MMP26: variants seen among roughly 807,000 people sequenced by gnomAD.
MMP26 encodes the protein matrix metalloproteinase-26.
Under a neutral mutation model 31.0 loss-of-function variants are expected in MMP26, and 33 were observed. That is an observed-to-expected ratio of 1.06 (90% CI 0.81 to 1.42). The LOEUF is 1.42. Ranked by LOEUF, MMP26 falls within the 40% of genes most tolerant of loss-of-function variation. The pLI, the probability that MMP26 is intolerant of heterozygous loss-of-function variation, is 0.00. For synonymous variants in MMP26, 122 were observed against 114.9 expected, an observed-to-expected ratio of 1.06 and a Z score of -0.40; for missense variants, 347 against 316.1, an observed-to-expected ratio of 1.10 and a Z score of -0.74.
intron 1 of MMP26, among the ~76,000 whole-genome samples, chr11:4,755,736 A>G (rs1848497533): frequency 6.6e-6 from 1 of 152,096 alleles, no homozygotes; most frequent in Admixed American, 6.6e-5. Flanking sequence ...AAATTATACC[A>G]GAAACTGCAT....
chr11:4,863,436 T>G (rs1850192244), intron 2 of MMP26, among the ~76,000 whole-genome samples: 1 of 152,124 alleles, frequency 6.6e-6, no homozygotes, highest in Admixed American at 6.6e-5. Context: ...TGCATTTTAC[T>G]TTCTCTTTCC....
intron 2 of MMP26, among the ~76,000 whole-genome samples, chr11:4,778,730 T>C (rs2133429480): frequency 6.6e-6 from 1 of 152,214 alleles, no homozygotes; most frequent in South Asian, 2.1e-4. Context: ...TTAAACCTTA[T>C]AATTCATGAA....
rs371119617 is a variant in MMP26, at chr11:4,915,040, G to A, written c.-144-73028G>A. 56 of 1,613,964 alleles carry A rather than the reference G, an allele frequency of 3.5e-5. No individual in the cohort carries two copies. The African/African-American group carries it at 4.0e-4, about 12-fold the overall frequency. ...GTGAGTCTATACCCACTGTAGAGACGATGACAAACATGCCGTAGATGCTGT... is the reference window on the plus strand; with the variant it reads ...GTGAGTCTATACCCACTGTAGAGACAATGACAAACATGCCGTAGATGCTGT... On this transcript the variant is annotated intron_variant, in intron 2 of 7. Coordinates refer to ENST00000380390, the MANE Select transcript of MMP26 (RefSeq NM_021801.5).
intron 2 of MMP26, among the ~76,000 whole-genome samples, chr11:4,836,656 T>C (rs976361716): frequency 7.6e-6 from 1 of 131,940 alleles, no homozygotes; most frequent in African/African-American, 2.9e-5. Flanking sequence ...GACATCTTTT[T>C]TTTTTTTTTT....
chr11:4,798,849 T>C (rs1849143882), intron 2 of MMP26, among the ~76,000 whole-genome samples: 1 of 152,220 alleles, frequency 6.6e-6, no homozygotes, highest in Admixed American at 6.5e-5. Flanking sequence ...AACATTATGT[T>C]TGGCTCTGTG....
At chr11:4,746,414 AT>A (rs2133296859) in intron 1 of MMP26, among the ~76,000 whole-genome samples, 1 of 152,332 alleles carries the variant, frequency 6.6e-6, no homozygotes, top group South Asian at 2.1e-4. Context: ...TGCAAATTAT[AT>A]TCCTCACTAG....
chr11:4,961,532 C>A lies in MMP26; in HGVS notation c.-144-26536C>A, dbSNP rs574906034. 2.6e-5 allele frequency among the ~76,000 whole-genome samples: 4 copies of A among 152,274 alleles called. No individual in the cohort carries two copies. The South Asian group carries it at 8.3e-4, about 32-fold the overall frequency. Reference sequence around the variant, plus strand: ...CCTAAAATTAAGTCCACAAGTTCACCCCTTGTCAATTTGGCAACCATAAGC... The same window carrying A: ...CCTAAAATTAAGTCCACAAGTTCACACCTTGTCAATTTGGCAACCATAAGC... On this transcript the variant is annotated intron_variant, in intron 2 of 7. Transcript: ENST00000380390.
In MMP26 at chr11:4,992,212, A is replaced by G. The variant is rs747112825; in HGVS notation, c.758-2A>G. 1 of 1,610,286 alleles carries G rather than the reference A, an allele frequency of 6.2e-7. No homozygotes were observed. Among genetic ancestry groups the G allele is most frequent in the South Asian group, 1.1e-5 (1 of 90,518 alleles). On this transcript the variant is annotated splice_acceptor_variant, in intron 7 of 7. Coordinates refer to ENST00000380390, the MANE Select transcript of MMP26 (RefSeq NM_021801.5). LOFTEE classifies it high-confidence loss of function. ...TGTTGTTTTTTTTTTCTGTTTCCAT[A>G]GGAGAAAAATGTTCATCTGACATAC...
chr11:4,955,540 A>G lies in MMP26; in HGVS notation c.-144-32528A>G, dbSNP rs746632837. Reference sequence around the variant, plus strand: ...TGGAAAGAAAATAGTACATGGGCCCATGCAAGGAGGGCTCTGTCTTGATGA... The same window carrying G: ...TGGAAAGAAAATAGTACATGGGCCCGTGCAAGGAGGGCTCTGTCTTGATGA... On this transcript the variant is annotated intron_variant, in intron 2 of 7. Transcript: ENST00000380390. The G allele has an allele frequency of 9.0e-5, 121 of 1,339,180 alleles. 14 individuals carry two copies. In the South Asian group the frequency reaches 1.3e-3, roughly 15 times the overall value. The allele number at this position is 1,339,180 out of a possible 1,614,324, so 83.0% of individuals were successfully genotyped here.
intron 2 of MMP26, among the ~76,000 whole-genome samples, chr11:4,871,555 G>C (rs1850310966): frequency 6.6e-6 from 1 of 152,086 alleles, no homozygotes; most frequent in African/African-American, 2.4e-5. Context: ...AAGTAGACTA[G>C]CATGCTCAGA....
chr11:4,939,453 C>T (rs1285492842), intron 2 of MMP26, among the ~76,000 whole-genome samples: 3 of 152,126 alleles, frequency 2.0e-5, no homozygotes, highest in South Asian at 2.1e-4. Context: ...GAACACAGTT[C>T]CTCGGCTGTT....
intron 2 of MMP26, among the ~76,000 whole-genome samples, chr11:4,942,152 C>T (rs1846220462): frequency 6.8e-6 from 1 of 146,562 alleles, no homozygotes; most frequent in African/African-American, 2.5e-5. Flanking sequence ...GAAGAACATG[C>T]CTGATAAAAA....
intron 2 of MMP26, chr11:4,859,471 T>C (rs545308153): frequency 5.7e-6 from 2 of 351,140 alleles, no homozygotes; most frequent in East Asian, 7.4e-5. Flanking sequence ...TGACCTGTTA[T>C]GTATCTTCAC....
intron 2 of MMP26, among the ~76,000 whole-genome samples, chr11:4,859,066 T>G (rs946333212): frequency 6.6e-6 from 1 of 152,154 alleles, no homozygotes; most frequent in South Asian, 2.1e-4. Flanking sequence ...TATGCAAAAA[T>G]TAATTCAAGA....
chr11:4,779,560 T>G (rs966363585), intron 2 of MMP26, among the ~76,000 whole-genome samples: 4 of 152,248 alleles, frequency 2.6e-5, no homozygotes, highest in African/African-American at 9.6e-5. Flanking sequence ...TTTTATTTTA[T>G]TGTTCTATTT....
At chr11:4,723,281 G>A (rs1589883716) in intron 1 of MMP26, 4 of 1,044,224 alleles carry the variant, frequency 3.8e-6, no homozygotes, top group Non-Finnish European at 4.5e-6. Flanking sequence ...AGTCTTGTGC[G>A]CTGCGGGTCA....
chr11:4,990,045 A>T lies in MMP26; in HGVS notation c.320+177A>T, dbSNP rs548139461. Reference sequence around the variant, plus strand: ...CCAGATCCTTTTCTAGCTTCCTCTAACCATCTCTTTAGAAAGTAGAGAGCA... The same window carrying T: ...CCAGATCCTTTTCTAGCTTCCTCTATCCATCTCTTTAGAAAGTAGAGAGCA... On this transcript the variant is annotated intron_variant, in intron 4 of 7. Transcript: ENST00000380390. Among the ~76,000 whole-genome samples the T allele has an allele frequency of 5.3e-5, 8 of 152,298 alleles. No homozygotes were observed. In the East Asian group the frequency reaches 1.5e-3, roughly 29 times the overall value.
In MMP26 at chr11:4,789,786, C is replaced by T. The variant is rs183492991; in HGVS notation, c.-145+22445C>T. ...CGATCTCCTGACCTTGTGATATGCC[C>T]GCCCCAGCCTCCTAAAGTGCTGGGA... is the stretch of plus-strand genomic sequence containing the variant. On this transcript the variant is annotated intron_variant, in intron 2 of 7. Transcript: ENST00000380390. 2.0e-3 allele frequency among the ~76,000 whole-genome samples: 301 copies of T among 151,328 alleles called. 1 individual carries two copies. Among genetic ancestry groups the T allele is most frequent in the Non-Finnish European group, 1.2e-3 (84 of 67,796 alleles).
At chr11:4,830,789 C>A (rs2133480313) in intron 2 of MMP26, among the ~76,000 whole-genome samples, 1 of 152,254 alleles carries the variant, frequency 6.6e-6, no homozygotes, top group Non-Finnish European at 1.5e-5. Context: ...GGATCAAACC[C>A]AAATTCCAGA....
Sources: allele counts gnomAD v4.1 joint callset (sites outside exome capture counted in the v4.1 genomes callset), GRCh38; gene constraint gnomAD v4.1.1; transcripts MANE v1.5; gene names NCBI Gene and HGNC (gene_info 2026-07-23, HGNC 2026-07-21).